Variants in SCAPER observed in about 807,000 individuals in gnomAD.
SCAPER encodes S phase cyclin A-associated protein in the endoplasmic reticulum.
A neutral mutation model predicts 182.2 loss-of-function variants in SCAPER; 98 were observed. The observed-to-expected ratio is 0.54, with a 90% confidence interval of 0.46 to 0.64. The LOEUF (loss-of-function observed/expected upper bound fraction) is 0.64. Ranked by LOEUF, SCAPER falls within the 30% of genes least tolerant of loss-of-function variation. SCAPER has a pLI of 0.00. For missense variants in SCAPER, 1,432 were observed against 1,690.0 expected, an observed-to-expected ratio of 0.85 and a Z score of 2.68; for synonymous variants, 605 against 564.6, an observed-to-expected ratio of 1.07 and a Z score of -1.01.
intron 21 of SCAPER, among the ~76,000 whole-genome samples, chr15:76,652,142 G>A (rs920193717): frequency 4.0e-4 from 59 of 148,478 alleles, no homozygotes; most frequent in Non-Finnish European, 3.7e-4. Context: ...GGCCAGGCAT[G>A]AGGGCTCACG....
Position 76,761,695 on chromosome 15 carries a change from G to A in SCAPER, c.1725+3266C>T, listed in dbSNP as rs533693139. Among the ~76,000 whole-genome samples the A allele has an allele frequency of 2.5e-3, 381 of 152,242 alleles. 5 individuals are homozygous for A. The highest frequency in any genetic ancestry group is 3.7e-3 in the Non-Finnish European group (249 of 67,982). The stretch of plus-strand genomic sequence containing the variant: ...TTAAATTTCTAAAGACTTGTGTTGT[G>A]ACCTAACACATGATCTATTCTGAAG... On this transcript the variant is annotated intron_variant, in intron 14 of 31. Transcript: ENST00000563290.
chr15:76,728,774 A>T, intron 16 of SCAPER, 37 bp from the exon 17 acceptor site: 1 of 1,570,162 alleles, frequency 6.4e-7, no homozygotes, highest in Non-Finnish European at 8.6e-7. Flanking sequence ...TATTAGAATT[A>T]TGTGTAAAAT....
chr15:76,845,269 G>T (rs2069949410), intron 4 of SCAPER, among the ~76,000 whole-genome samples: 2 of 152,106 alleles, frequency 1.3e-5, no homozygotes, highest in Non-Finnish European at 2.9e-5. Flanking sequence ...GTATCATACT[G>T]AATGTGGAAA....
chr15:76,434,675 CAGAAAAT>C (rs960284278), intron 25 of SCAPER, among the ~76,000 whole-genome samples: 5 of 152,114 alleles, frequency 3.3e-5, no homozygotes, highest in African/African-American at 1.2e-4. Flanking sequence ...TAAATGAACT[CAGAAAAT>C]AGATAAAATG....
intron 21 of SCAPER, among the ~76,000 whole-genome samples, chr15:76,632,101 G>GT (rs1340425662): frequency 6.6e-6 from 1 of 152,036 alleles, no homozygotes; most frequent in Non-Finnish European, 1.5e-5. Context: ...TGTTTGCATT[G>GT]TGACGTTCTC....
At chr15:76,658,322 A>G (rs2055843763) in intron 21 of SCAPER, among the ~76,000 whole-genome samples, 2 of 152,194 alleles carry the variant, frequency 1.3e-5, no homozygotes, top group Non-Finnish European at 1.5e-5. Context: ...TAGCCACAAA[A>G]AAGAATGAAA....
At chr15:76,752,304 A>C (rs2062138109) in intron 15 of SCAPER, among the ~76,000 whole-genome samples, 1 of 151,822 alleles carries the variant, frequency 6.6e-6, no homozygotes, top group African/African-American at 2.4e-5. Context: ...GGTGAACTAC[A>C]TGTAGAAAAC....
At chr15:76,797,393 A>C (rs1427089366) in intron 7 of SCAPER, 1 of 152,226 alleles carries the variant, frequency 6.6e-6, no homozygotes, top group Non-Finnish European at 1.5e-5. Flanking sequence ...GAGCTGACCA[A>C]AAAACTTAAA....
intron 1 of SCAPER, among the ~76,000 whole-genome samples, chr15:76,894,155 G>T (rs1479113566): frequency 6.6e-6 from 1 of 152,202 alleles, no homozygotes; most frequent in East Asian, 1.9e-4. Context: ...GGGAGGCTGA[G>T]GCAGGAGAAT....
intron 16 of SCAPER, among the ~76,000 whole-genome samples, chr15:76,731,614 G>T (rs1471876393): frequency 6.6e-6 from 1 of 152,206 alleles, no homozygotes; most frequent in Non-Finnish European, 1.5e-5. Context: ...TGTACAGCAA[G>T]TAATGATTAC....
At chr15:76,802,414 A>G (rs994710783) in intron 6 of SCAPER, among the ~76,000 whole-genome samples, 1 of 152,182 alleles carries the variant, frequency 6.6e-6, no homozygotes, top group Non-Finnish European at 1.5e-5. Context: ...GCTTGGTTCA[A>G]CCCAGTGAAA....
At position 76,779,044 on chromosome 15, in the gene SCAPER, T is replaced by C. The variant is rs151182201; in HGVS notation, c.773-3927A>G. Among the ~76,000 whole-genome samples, 48 of 152,100 alleles carry C rather than the reference T, an allele frequency of 3.2e-4. 2 individuals carry two copies. The highest frequency in any genetic ancestry group is 3.4e-3 in the Middle Eastern group (1 of 294). ...ATTCCATAATGAACACAAAACATTA[T>C]AGGATATAGGATATAGGATACATTC... is the stretch of plus-strand genomic sequence containing the variant. On this transcript the variant is annotated intron_variant, in intron 8 of 31. Coordinates refer to ENST00000563290, the MANE Select transcript of SCAPER (RefSeq NM_020843.4).
In SCAPER at chr15:76,406,072, T is replaced by C. The variant is rs142971190; in HGVS notation, c.3312-1393A>G. On this transcript the variant is annotated intron_variant, in intron 26 of 31. Transcript: ENST00000563290. ...ACCAGACCTCTTCTAGTAAAGGAAA[T>C]TGATAGACTGATATATGTACACACT... is the stretch of plus-strand genomic sequence containing the variant. Among the ~76,000 whole-genome samples, 366 of 152,160 alleles carry C rather than the reference T, an allele frequency of 2.4e-3. 2 individuals are homozygous for C. The highest frequency in any genetic ancestry group is 8.6e-3 in the African/African-American group (357 of 41,532).
intron 16 of SCAPER, among the ~76,000 whole-genome samples, chr15:76,729,737 T>C (rs2060808335): frequency 6.6e-6 from 1 of 152,168 alleles, no homozygotes; most frequent in South Asian, 2.1e-4. Flanking sequence ...TGAGCTAATA[T>C]ATGAAAAGCA....
At chr15:76,664,556 G>A (rs766197933) in intron 21 of SCAPER, among the ~76,000 whole-genome samples, 4 of 152,076 alleles carry the variant, frequency 2.6e-5, no homozygotes, top group Non-Finnish European at 4.4e-5. Context: ...ATATAAAATT[G>A]GTAGTCATTG....
chr15:76,434,046 G>T (rs755922905), intron 26 of SCAPER, 32 bp downstream of exon 26: 32 of 1,552,144 alleles, frequency 2.1e-5, no homozygotes, highest in African/African-American at 2.7e-5. Context: ...TCTTAACAAA[G>T]AACAAAGTTT....
rs566611786 is a variant in SCAPER, at chr15:76,849,351, G to A, written c.196-7420C>T. 4.6e-5 allele frequency among the ~76,000 whole-genome samples: 7 copies of A among 152,220 alleles called. No homozygotes were observed. In the East Asian group the frequency reaches 9.7e-4, roughly 21 times the overall value. ...CGAAGACCCAAAGTGCCTTATCCAC[G>A]CCTTCGACAAACTGCAATCAACCCA... On this transcript the variant is annotated intron_variant, in intron 4 of 31. Transcript: ENST00000563290.
chr15:76,518,874 A>G (rs1212798843), intron 23 of SCAPER, among the ~76,000 whole-genome samples: 1 of 152,230 alleles, frequency 6.6e-6, no homozygotes. Flanking sequence ...AACTTTTTTC[A>G]GAATATCTGT....
intron 5 of SCAPER, among the ~76,000 whole-genome samples, chr15:76,837,528 C>T (rs953680685): frequency 5.3e-5 from 8 of 152,070 alleles, no homozygotes; most frequent in Non-Finnish European, 1.0e-4. Flanking sequence ...CTCACTATCA[C>T]GAGAACAGAA....
Sources: gnomAD v4.1 joint callset for allele counts (sites outside exome capture counted in the v4.1 genomes callset) on GRCh38, gnomAD v4.1.1 for gene constraint, MANE v1.5 for transcripts, NCBI Gene and HGNC (gene_info 2026-07-23, HGNC 2026-07-21) for gene names.